Variants in INSR observed in about 807,000 individuals in gnomAD.
INSR encodes insulin receptor.
INSR carries 67 observed loss-of-function variants against 142.6 expected under a neutral mutation model. The ratio of observed to expected loss-of-function variants is 0.47; its 90% CI spans 0.39 to 0.58. INSR has a LOEUF of 0.58. INSR is among the 20% of genes least tolerant of loss of function. The pLI is 0.00. For synonymous variants in INSR, 756 were observed against 743.1 expected (o/e 1.02, Z -0.28); for missense variants, 1,248 against 1,833.2 (o/e 0.68, Z 5.83).
chr19:7,118,052 A>G (rs1568424798), intron 21 of INSR, among the ~76,000 whole-genome samples: 1 of 151,770 alleles, frequency 6.6e-6, no homozygotes, highest in Non-Finnish European at 1.5e-5. Context: ...GGTTCCAGGC[A>G]TGAGCCATCC....
chr19:7,233,185 G>T (rs1169378062), intron 2 of INSR, among the ~76,000 whole-genome samples: 1 of 152,042 alleles, frequency 6.6e-6, no homozygotes, highest in Non-Finnish European at 1.5e-5. Flanking sequence ...ATAGAGACGG[G>T]GTTTCACCAT....
chr19:7,219,496 G>A (rs1399731992), intron 2 of INSR, among the ~76,000 whole-genome samples: 6 of 142,888 alleles, frequency 4.2e-5, no homozygotes, highest in African/African-American at 2.6e-5. Flanking sequence ...AAGGAAGGAA[G>A]GAGGGAGGGA....
chr19:7,256,571 C>T (rs1976899612), intron 2 of INSR, among the ~76,000 whole-genome samples: 1 of 152,008 alleles, frequency 6.6e-6, no homozygotes, highest in Admixed American at 6.6e-5. Flanking sequence ...TCAAGACCAG[C>T]CTGGGTAACG....
At chr19:7,290,927 C>A (rs142406729) in intron 1 of INSR, among the ~76,000 whole-genome samples, 2 of 151,042 alleles carry the variant, frequency 1.3e-5, no homozygotes, top group African/African-American at 4.9e-5. Flanking sequence ...AAAAATAAGC[C>A]GGTGTTGTGG....
intron 2 of INSR, among the ~76,000 whole-genome samples, chr19:7,218,584 A>C (rs1250017392): frequency 6.6e-6 from 1 of 152,030 alleles, no homozygotes; most frequent in Non-Finnish European, 1.5e-5. Flanking sequence ...TCTGTTGCCC[A>C]GGCTGGAGTG....
At chr19:7,121,677 A>AGGCTGG (rs1441775412) in intron 19 of INSR, among the ~76,000 whole-genome samples, 1 of 152,210 alleles carries the variant, frequency 6.6e-6, no homozygotes, top group Non-Finnish European at 1.5e-5. Context: ...TATGTTGCCC[A>AGGCTGG]GGCTGGTCTC....
intron 2 of INSR, among the ~76,000 whole-genome samples, chr19:7,262,028 G>A (rs540278879): frequency 5.9e-5 from 9 of 152,302 alleles, no homozygotes; most frequent in African/African-American, 1.2e-4. Context: ...TAGCAACTAC[G>A]GATGTTCACA....
chr19:7,126,088 C>T (rs1179904014), intron 16 of INSR, among the ~76,000 whole-genome samples: 1 of 152,094 alleles, frequency 6.6e-6, no homozygotes, highest in African/African-American at 2.4e-5. Flanking sequence ...CTACTAGGAA[C>T]CAACAGAGGA....
intron 1 of INSR, among the ~76,000 whole-genome samples, chr19:7,280,460 G>A (rs1600127019): frequency 6.6e-6 from 1 of 152,098 alleles, no homozygotes; most frequent in African/African-American, 2.4e-5. Context: ...GCTCACACCT[G>A]TAATCCCAGC....
At chr19:7,227,631 C>T (rs1410894664) in intron 2 of INSR, among the ~76,000 whole-genome samples, 1 of 152,142 alleles carries the variant, frequency 6.6e-6, no homozygotes, top group East Asian at 1.9e-4. Context: ...GAGAGTTTTG[C>T]ATCGACTCCA....
chr19:7,177,762 G>A (rs1228236453), intron 3 of INSR, among the ~76,000 whole-genome samples: 1 of 140,202 alleles, frequency 7.1e-6, no homozygotes, highest in African/African-American at 2.7e-5. Flanking sequence ...GGTCAGGCTG[G>A]TCTCGAACTC....
Position 7,158,374 on chromosome 19 carries a change from G to T in INSR, c.2029+4658C>A, listed in dbSNP as rs558954570. 1.3e-5 allele frequency among the ~76,000 whole-genome samples: 2 copies of T among 152,162 alleles called. 1 individual carries two copies. The highest frequency in any genetic ancestry group is 2.9e-5 in the Non-Finnish European group (2 of 68,012). On this transcript the variant is annotated intron_variant, in intron 9 of 21. Coordinates refer to ENST00000302850, the MANE Select transcript of INSR (RefSeq NM_000208.4). The stretch of plus-strand genomic sequence containing the variant: ...AAATTAGCCGGGCGTGGTGGCGGGC[G>T]CCTGTAGTCCCAGCTACTCGGGAGG...
intron 2 of INSR, among the ~76,000 whole-genome samples, chr19:7,254,250 C>T (rs1482801240): frequency 4.6e-5 from 7 of 151,936 alleles, no homozygotes; most frequent in African/African-American, 7.3e-5. Context: ...GATGGTGGTG[C>T]GCACCTGTAG....
intron 2 of INSR, among the ~76,000 whole-genome samples, chr19:7,253,582 G>A (rs1378070135): frequency 6.6e-6 from 1 of 152,036 alleles, no homozygotes; most frequent in East Asian, 1.9e-4. Flanking sequence ...GAAAGACTTT[G>A]GTCCACTTCC....
chr19:7,184,639 T>C lies in INSR; in HGVS notation c.653-2A>G. The C allele has an allele frequency of 6.5e-7, 1 of 1,534,638 alleles. No homozygotes were observed. Among genetic ancestry groups the C allele is most frequent in the Non-Finnish European group, 8.8e-7 (1 of 1,139,622 alleles). ...GTGACTTACAGATGGTCGGGCAAAC[T>C]GGAGAGAGAGAGAGAGAGAGAGGGA... is the stretch of plus-strand genomic sequence containing the variant. On this transcript the variant is annotated splice_acceptor_variant, in intron 2 of 21. Transcript: ENST00000302850. LOFTEE classifies it high-confidence loss of function.
chr19:7,129,523 C>T (rs1351116108), intron 14 of INSR, among the ~76,000 whole-genome samples: 1 of 151,902 alleles, frequency 6.6e-6, no homozygotes, highest in Non-Finnish European at 1.5e-5. Flanking sequence ...CAGGGTTTCA[C>T]CTTGCTGGCC....
chr19:7,247,085 G>A (rs1328821963), intron 2 of INSR, among the ~76,000 whole-genome samples: 1 of 152,160 alleles, frequency 6.6e-6, no homozygotes, highest in Non-Finnish European at 1.5e-5. Context: ...AGAGCCCTGT[G>A]TTGCCCCAGT....
chr19:7,162,326 CAAAA>C (rs34182944), intron 9 of INSR, among the ~76,000 whole-genome samples: 2 of 63,088 alleles, frequency 3.2e-5, no homozygotes, highest in Non-Finnish European at 3.0e-5. Context: ...GACCCTGTCT[CAAAA>C]AAAAAAAAAA....
chr19:7,152,378 CAAAAAA>C (rs375635473), intron 10 of INSR: 40 of 299,278 alleles, frequency 1.3e-4, no homozygotes, highest in East Asian at 2.7e-4. Context: ...GAGACTCTGT[CAAAAAA>C]AAAAAAAAAA....
Sources: allele counts gnomAD v4.1 joint callset (sites outside exome capture counted in the v4.1 genomes callset), GRCh38; gene constraint gnomAD v4.1.1; transcripts MANE v1.5; gene names NCBI Gene and HGNC (gene_info 2026-07-23, HGNC 2026-07-21).